CAPN12: variants seen among roughly 807,000 people sequenced by gnomAD.
The protein encoded by CAPN12 is calpain-12.
Under a neutral mutation model 95.0 loss-of-function variants are expected in CAPN12, and 107 were observed. That is an observed-to-expected ratio of 1.13 (90% CI 0.96 to 1.32). CAPN12 has a LOEUF of 1.32. Among genes scored for constraint, CAPN12 ranks in the 40% most tolerant of loss-of-function variants. CAPN12 has a pLI of 0.00. For missense variants in CAPN12, 1,136 were observed against 997.8 expected (o/e 1.14, Z -1.87); for synonymous variants, 505 against 415.5 (o/e 1.22, Z -2.62).
At chr19:38,733,351 G>C (rs1310191209) in intron 18 of CAPN12, 2 of 243,566 alleles carry the variant, frequency 8.2e-6, no homozygotes, top group Non-Finnish European at 1.6e-5. Flanking sequence ...TCCAACCCCG[G>C]TGCACCAGAA....
intron 14 of CAPN12, 115 bp from the exon 15 acceptor site, chr19:38,734,985 G>A (rs1461714970): frequency 1.0e-6 from 1 of 957,254 alleles, no homozygotes; most frequent in Non-Finnish European, 1.6e-6. Context: ...AGCTCCAGGA[G>A]TGGGGGAGAC....
In CAPN12 at chr19:38,733,761, A is replaced by G. The variant is rs754005331; in HGVS notation, c.1899T>C (p.Asp633=). ...AGTTCATGGTTCCAGAGGTGTCCTCATCGAACTTGTTAAATATGGCCTGGG... is the reference window on the plus strand; with the variant it reads ...AGTTCATGGTTCCAGAGGTGTCCTCGTCGAACTTGTTAAATATGGCCTGGG... The part of the protein sequence containing the change: ...LEWQAIFNKF[D]EDTSGTMNSY... The change falls in exon 18 of 21, where the codon GAT becomes GAC. Residue 633 remains aspartate, a synonymous_variant. Coordinates refer to ENST00000328867, the MANE Select transcript of CAPN12 (RefSeq NM_144691.4). 12 of 1,613,642 alleles carry G rather than the reference A, an allele frequency of 7.4e-6. No homozygotes were observed. In the East Asian group the frequency reaches 1.1e-4, roughly 15 times the overall value.
chr19:38,734,296 C>T (rs199780627), intron 16 of CAPN12, 23 bp downstream of exon 16: 104 of 1,604,012 alleles, frequency 6.5e-5, no homozygotes, highest in Non-Finnish European at 7.7e-5. Context: ...CCCTCCCTCA[C>T]CCAGGCACTG....
intron 15 of CAPN12, 105 bp from the exon 16 acceptor site, chr19:38,734,494 A>G (rs1322574643): frequency 5.0e-6 from 5 of 1,005,434 alleles, no homozygotes; most frequent in East Asian, 2.6e-5. Context: ...TGTCAGTCCC[A>G]TATTATAGAA....
chr19:38,736,394 T>A, intron 11 of CAPN12, 76 bp from the exon 12 acceptor site: 1 of 1,486,656 alleles, frequency 6.7e-7, no homozygotes, highest in Non-Finnish European at 9.0e-7. Flanking sequence ...GCGCGCCCCG[T>A]CCACCCTGCC....
In CAPN12 at chr19:38,744,350, G is replaced by A; in HGVS notation, c.-185C>T. On this transcript the variant is annotated 5_prime_UTR_variant, in exon 1 of 21. Coordinates refer to ENST00000328867, the MANE Select transcript of CAPN12 (RefSeq NM_144691.4). ...GCCTCTTCAGTAGCTTTCTTCCCAG[G>A]GCGTGGGGCCTTCAGTTGTGGCCAA... 1 of 627,848 alleles carries A rather than the reference G, an allele frequency of 1.6e-6. No homozygotes were observed. Among genetic ancestry groups the A allele is most frequent in the Non-Finnish European group, 2.8e-6 (1 of 360,226 alleles). 38.9% of individuals were successfully genotyped at this position (627,848 alleles called of 1,614,324 possible).
At chr19:38,736,720 C>G in intron 10 of CAPN12, 157 bp from the exon 11 acceptor site, 1 of 900,158 alleles carries the variant, frequency 1.1e-6, no homozygotes, top group Non-Finnish European at 1.7e-6. Context: ...GACCCAGGCC[C>G]TCGCCGACCC....
In CAPN12 at chr19:38,738,517, G is replaced by A. The variant is rs776629179; in HGVS notation, c.805-14C>T. On this transcript the variant is annotated splice_polypyrimidine_tract_variant and intron_variant, in intron 6 of 20. Transcript: ENST00000328867. ...GCCCAGGAACACCTGGGGCAGCATC[G>A]TCAGTGGGGGTGATGCCTGGACATG... The A allele has an allele frequency of 6.9e-5, 112 of 1,613,336 alleles. 1 individual carries two copies. The highest frequency in any genetic ancestry group is 8.3e-5 in the Non-Finnish European group (98 of 1,179,774).
chr19:38,736,536 CCCAT>C lies in CAPN12; in HGVS notation c.1374+12_1374+15del. 6.3e-7 allele frequency: 1 copy of C among 1,585,884 alleles called. No individual in the cohort carries two copies. On this transcript the variant is annotated intron_variant, in intron 11 of 20. Coordinates refer to ENST00000328867, the MANE Select transcript of CAPN12 (RefSeq NM_144691.4). ...TGACCAAGCCCCAGGGCCGGTTGAC[CCCAT>C]CCCAGACTCACCTCCTCTGGAATCT...
chr19:38,730,636 T>G lies in CAPN12; in HGVS notation c.*216A>C. 1 of 622,520 alleles carries G rather than the reference T, an allele frequency of 1.6e-6. No individual in the cohort carries two copies. Among genetic ancestry groups the G allele is most frequent in the Non-Finnish European group, 2.9e-6 (1 of 349,630 alleles). The allele number at this position is 622,520 out of a possible 1,614,324, so 38.6% of individuals were successfully genotyped here. A position where few individuals can be genotyped will look rare whatever the true frequency, so the allele number is the denominator to read the frequency against. On this transcript the variant is annotated 3_prime_UTR_variant, in exon 21 of 21. Coordinates refer to ENST00000328867, the MANE Select transcript of CAPN12 (RefSeq NM_144691.4). Reference sequence around the variant, plus strand: ...TCTTAAGCTGTCAACGTGGACTAGCTCGTGTCATCTGCTCGAGAAGGGCTG... The same window carrying G: ...TCTTAAGCTGTCAACGTGGACTAGCGCGTGTCATCTGCTCGAGAAGGGCTG...
chr19:38,733,521 C>G (rs757277962), intron 18 of CAPN12, 182 bp downstream of exon 18: 1 of 581,888 alleles, frequency 1.7e-6, no homozygotes, highest in Non-Finnish European at 3.0e-6. Context: ...TTGCCCTTCT[C>G]CTTCCTTATT....
rs1106372 is a variant in CAPN12 at position 38,742,581 on chromosome 19, G to A, written c.308-53C>T. On this transcript the variant is annotated intron_variant, in intron 2 of 20. Coordinates refer to ENST00000328867, the MANE Select transcript of CAPN12 (RefSeq NM_144691.4). The stretch of plus-strand genomic sequence containing the variant: ...GGATGGAAGGAGGGAGGCCTGGTGC[G>A]GTGGCTCATGCCTCTAATCCCAGCA... 0.066 allele frequency: 85,094 copies of A among 1,287,286 alleles called. 3,061 individuals carry two copies. Among genetic ancestry groups the A allele is most frequent in the South Asian group, 0.1 (8,034 of 76,670 alleles). 79.7% of individuals were successfully genotyped at this position (1,287,286 alleles called of 1,614,324 possible). A position where few individuals can be genotyped will look rare whatever the true frequency, so the allele number is the denominator to read the frequency against.
chr19:38,731,306 G>A (rs1214116327), intron 18 of CAPN12, 83 bp from the exon 19 acceptor site: 3 of 1,061,930 alleles, frequency 2.8e-6, no homozygotes, highest in African/African-American at 1.6e-5. Context: ...CCTCAGGGAG[G>A]ACATGAATGC....
intron 12 of CAPN12, 36 bp from the exon 13 acceptor site, chr19:38,735,580 T>C (rs1403330149): frequency 1.9e-6 from 3 of 1,600,628 alleles, no homozygotes; most frequent in East Asian, 2.3e-5. Context: ...GAGGGGGCTG[T>C]TTGCCCCAGC....
At chr19:38,734,501 A>G in intron 15 of CAPN12, 112 bp from the exon 16 acceptor site, 3 of 945,338 alleles carry the variant, frequency 3.2e-6, no homozygotes, top group Non-Finnish European at 3.1e-6. Flanking sequence ...CCCATATTAT[A>G]GAAGCCGAGG....
chr19:38,736,142 CAG>C lies in CAPN12; in HGVS notation c.1549_1550del (p.Leu517AlafsTer81). On this transcript the variant is annotated frameshift_variant, in exon 12 of 21. Coordinates refer to ENST00000328867, the MANE Select transcript of CAPN12 (RefSeq NM_144691.4). LOFTEE classifies it high-confidence loss of function. ...AHAGDEADFTLRVFSERRHTA... is the reference protein window; with the variant it reads ...AHAGDEADFTXRVFSERRHTA... ...TGTGGCGGCGCTCGGAGAAGACACGCAGAGTGAAGTCAGCCTCGTCGCCGGCG... is the reference window on the plus strand; with the variant it reads ...TGTGGCGGCGCTCGGAGAAGACACGCAGTGAAGTCAGCCTCGTCGCCGGCG... 2 of 1,513,986 alleles carry C rather than the reference CAG, an allele frequency of 1.3e-6. No individual in the cohort carries two copies. The highest frequency in any genetic ancestry group is 1.8e-6 in the Non-Finnish European group (2 of 1,134,380). 93.8% of individuals were successfully genotyped at this position (1,513,986 alleles called of 1,614,324 possible).
Position 38,734,420 on chromosome 19 carries a change from C to A in CAPN12, c.1745-31G>T, listed in dbSNP as rs369844131. ...GGAAAAACAAAGTCAAACCACAGCA[C>A]TTCCTGCATTCTGGCCACCACTTTA... On this transcript the variant is annotated intron_variant, in intron 15 of 20. Coordinates refer to ENST00000328867, the MANE Select transcript of CAPN12 (RefSeq NM_144691.4). 3.2e-6 allele frequency: 5 copies of A among 1,546,558 alleles called. No individual in the cohort carries two copies. In the African/African-American group the frequency reaches 4.1e-5, roughly 13 times the overall value.
chr19:38,737,753 C>G (rs912828801), intron 8 of CAPN12, 115 bp from the exon 9 acceptor site: 29 of 1,320,330 alleles, frequency 2.2e-5, no homozygotes, highest in Non-Finnish European at 2.1e-5. Context: ...TGTCAAATAC[C>G]CTTCAGGCTC....
At position 38,734,228 on chromosome 19, in the gene CAPN12, T is replaced by C. The variant is rs749407681; in HGVS notation, c.1816-24A>G. ...TGCTGTGTTGGGGGTCGGGGGCATC[T>C]GGTTAAGGTCAATCTCTCCAGAAGG... On this transcript the variant is annotated intron_variant, in intron 16 of 20. Coordinates refer to ENST00000328867, the MANE Select transcript of CAPN12 (RefSeq NM_144691.4). 4 of 1,612,384 alleles carry C rather than the reference T, an allele frequency of 2.5e-6. No homozygotes were observed. In the East Asian group the frequency reaches 6.7e-5, roughly 27 times the overall value.
Sources: gnomAD v4.1 joint callset for allele counts on GRCh38, gnomAD v4.1.1 for gene constraint, MANE v1.5 for transcripts, NCBI Gene and HGNC (gene_info 2026-07-23, HGNC 2026-07-21) for gene names.